ARHGEF6: variants seen among roughly 807,000 people sequenced by gnomAD.
ARHGEF6 encodes rho guanine nucleotide exchange factor 6.
In ARHGEF6, 9 loss-of-function variants were observed where a neutral mutation model predicts 70.3. The observed-to-expected ratio is 0.13, with a 90% confidence interval of 0.08 to 0.22. ARHGEF6 has a LOEUF of 0.22. ARHGEF6 is among the 10% of genes least tolerant of loss of function. ARHGEF6 has a pLI of 1.00. For missense variants in ARHGEF6, 470 were observed against 563.0 expected (o/e 0.83, Z 1.67); for synonymous variants, 201 against 207.8 (o/e 0.97, Z 0.28).
At chrX:136,712,606 A>G (rs1479727550) in intron 7 of ARHGEF6, among the ~76,000 whole-genome samples, 2 of 112,122 alleles carry the variant, frequency 1.8e-5, no homozygotes, top group Non-Finnish European at 3.8e-5. Flanking sequence ...AAATAAATGC[A>G]GTTCACCACT....
chrX:136,778,646 C>T (rs771446056), intron 2 of ARHGEF6, among the ~76,000 whole-genome samples: 24 of 110,575 alleles, frequency 2.2e-4, no homozygotes, highest in African/African-American at 7.6e-4. Context: ...CAAGCCACCA[C>T]GCCTGCCTAA....
intron 9 of ARHGEF6, among the ~76,000 whole-genome samples, chrX:136,696,104 T>C (rs2076507151): frequency 9.0e-6 from 1 of 111,137 alleles, no homozygotes. Flanking sequence ...AGTGAGGAAA[T>C]TAAGGCTTAG....
At chrX:136,717,885 G>C (rs1224548207) in intron 6 of ARHGEF6, among the ~76,000 whole-genome samples, 1 of 111,429 alleles carries the variant, frequency 9.0e-6, no homozygotes, top group African/African-American at 3.3e-5. Flanking sequence ...AGTGAAAAAA[G>C]AGAAATGGAA....
chrX:136,754,582 C>CAA (rs1428726318), intron 2 of ARHGEF6, among the ~76,000 whole-genome samples: 463 of 17,486 alleles, frequency 0.026, 14 homozygotes, highest in African/African-American at 0.1. Context: ...AACCCCGCCT[C>CAA]AAAAAAAAAA....
chrX:136,726,492 G>A (rs1303532618), intron 6 of ARHGEF6, among the ~76,000 whole-genome samples: 1 of 111,950 alleles, frequency 8.9e-6, no homozygotes, highest in African/African-American at 3.3e-5. Context: ...AAAGGTGGGT[G>A]AGCACTAGAA....
intron 6 of ARHGEF6, among the ~76,000 whole-genome samples, chrX:136,719,865 C>T (rs1457869506): frequency 3.6e-5 from 4 of 111,833 alleles, no homozygotes. Context: ...TTATTAATAA[C>T]TCTGCCTACA....
Position 136,666,670 on chromosome X carries a change from A to T in ARHGEF6, c.*1359T>A, listed in dbSNP as rs2076164510. The T allele has an allele frequency of 8.9e-6, 1 of 111,785 alleles. No homozygotes were observed. The highest frequency in any genetic ancestry group is 1.9e-5 in the Non-Finnish European group (1 of 53,145). The allele number at this position is 111,785 out of a possible 1,213,427, so 9.2% of individuals were successfully genotyped here. The stretch of plus-strand genomic sequence containing the variant: ...AATTTCTCTTGTCTTTTGGGGAGGG[A>T]GGGGTGAGTGGCACTGAGCCTTAGG... On this transcript the variant is annotated 3_prime_UTR_variant, in exon 22 of 22. Coordinates refer to ENST00000250617, the MANE Select transcript of ARHGEF6 (RefSeq NM_004840.3).
At chrX:136,759,325 G>A (rs1298509934) in intron 2 of ARHGEF6, among the ~76,000 whole-genome samples, 3 of 111,917 alleles carry the variant, frequency 2.7e-5, no homozygotes, top group Non-Finnish European at 5.6e-5. Context: ...CATAAATGAT[G>A]TTAAGAGTTT....
intron 5 of ARHGEF6, among the ~76,000 whole-genome samples, chrX:136,741,501 A>C (rs1239794333): frequency 9.0e-6 from 1 of 110,657 alleles, no homozygotes; most frequent in Non-Finnish European, 1.9e-5. Flanking sequence ...GGAGGAGTCA[A>C]AAGTTATACA....
intron 6 of ARHGEF6, among the ~76,000 whole-genome samples, chrX:136,727,395 T>TC (rs2076875302): frequency 1.4e-3 from 74 of 53,561 alleles, no homozygotes; most frequent in Non-Finnish European, 2.0e-3. Flanking sequence ...CTTTCTTTCT[T>TC]TCTCTCTCTC....
chrX:136,680,580 A>C, intron 15 of ARHGEF6, 151 bp downstream of exon 15: 1 of 633,242 alleles, frequency 1.6e-6, no homozygotes, highest in Non-Finnish European at 2.6e-6. Flanking sequence ...ATGAGAAATC[A>C]GAATGAGTGA....
intron 10 of ARHGEF6, among the ~76,000 whole-genome samples, chrX:136,688,901 A>G (rs1159383311): frequency 9.0e-6 from 1 of 111,683 alleles, no homozygotes; most frequent in Non-Finnish European, 1.9e-5. Context: ...CCATAATTCC[A>G]TAACTGTTTA....
At chrX:136,710,640 G>C (rs2076675737) in intron 7 of ARHGEF6, among the ~76,000 whole-genome samples, 1 of 109,828 alleles carries the variant, frequency 9.1e-6, no homozygotes, top group South Asian at 3.9e-4. Flanking sequence ...TCAGATAATA[G>C]TCAGTCTGGT....
chrX:136,727,580 C>T (rs1322589053), intron 6 of ARHGEF6, among the ~76,000 whole-genome samples: 1 of 103,639 alleles, frequency 9.6e-6, no homozygotes, highest in Non-Finnish European at 2.0e-5. Flanking sequence ...GTCACCCAGG[C>T]TGGAGTGCAA....
intron 6 of ARHGEF6, among the ~76,000 whole-genome samples, chrX:136,727,387 TTCTTTCTTTCTC>T (rs1372536534): frequency 4.2e-4 from 30 of 71,326 alleles, no homozygotes; most frequent in East Asian, 5.4e-4. Flanking sequence ...CTTTCTTTCT[TTCTTTCTTTCTC>T]TCTCTCTCTC....
intron 12 of ARHGEF6, among the ~76,000 whole-genome samples, chrX:136,685,387 T>C (rs767310813): frequency 8.7e-4 from 97 of 111,466 alleles, no homozygotes; most frequent in Middle Eastern, 4.2e-3. Context: ...TGTTCTTTTC[T>C]CCTATCTCCC....
At chrX:136,767,743 G>C in intron 2 of ARHGEF6, 10 of 755,012 alleles carry the variant, frequency 1.3e-5, no homozygotes, top group Non-Finnish European at 1.4e-5. Context: ...GCAGCGGAGG[G>C]AAAGCGGCCT....
At chrX:136,754,517 G>A (rs185640317) in intron 2 of ARHGEF6, among the ~76,000 whole-genome samples, 11 of 103,108 alleles carry the variant, frequency 1.1e-4, no homozygotes, top group South Asian at 4.7e-4. Flanking sequence ...TCTGGGAGGC[G>A]GAGGTTGCAG....
chrX:136,670,649 G>T (rs10126722), intron 20 of ARHGEF6, among the ~76,000 whole-genome samples: 4,399 of 110,743 alleles, frequency 0.04, 247 homozygotes, highest in African/African-American at 0.14. Context: ...CCCGTCATAA[G>T]GTTTTGATTT....
Sources: gnomAD v4.1 joint callset for allele counts (sites outside exome capture counted in the v4.1 genomes callset) on GRCh38, gnomAD v4.1.1 for gene constraint, MANE v1.5 for transcripts, NCBI Gene and HGNC (gene_info 2026-07-23, HGNC 2026-07-21) for gene names.